Variants in ANKRD17 observed in about 807,000 individuals in gnomAD.
ANKRD17 encodes ankyrin repeat domain-containing protein 17.
Under a neutral mutation model 229.7 loss-of-function variants are expected in ANKRD17, and 19 were observed. The ratio of observed to expected loss-of-function variants is 0.08; its 90% confidence interval spans 0.06 to 0.12. The LOEUF is 0.12. ANKRD17 is among the 10% of genes least tolerant of loss of function. The pLI, the probability that ANKRD17 is intolerant of heterozygous loss-of-function variation, is 1.00. For synonymous variants in ANKRD17, 1,112 were observed against 1,146.1 expected (o/e 0.97, Z 0.60); for missense variants, 2,176 against 3,176.8 (o/e 0.68, Z 7.57).
intron 27 of ANKRD17, among the ~76,000 whole-genome samples, chr4:73,096,088 C>T (rs994220795): frequency 3.3e-5 from 5 of 152,080 alleles, no homozygotes; most frequent in Non-Finnish European, 1.5e-5. Context: ...AATAAACAAG[C>T]AAATTATTTA....
At chr4:73,158,286 A>G (rs1732042158) in intron 3 of ANKRD17, among the ~76,000 whole-genome samples, 1 of 152,206 alleles carries the variant, frequency 6.6e-6, no homozygotes. Context: ...TGAAATCCTT[A>G]CAAGATCTGC....
At chr4:73,191,654 A>C (rs1003217322) in intron 1 of ANKRD17, among the ~76,000 whole-genome samples, 11 of 151,936 alleles carry the variant, frequency 7.2e-5, no homozygotes, top group Admixed American at 7.2e-4. Context: ...ATTATAAAGA[A>C]ATTTTTAAAT....
In ANKRD17 at chr4:73,099,853, A is replaced by C. The variant is rs147894708; in HGVS notation, c.4574-1333T>G. Among the ~76,000 whole-genome samples, 108 of 152,210 alleles carry C rather than the reference A, an allele frequency of 7.1e-4. 1 individual carries two copies. The East Asian group carries it at 0.016, about 23-fold the overall frequency. On this transcript the variant is annotated intron_variant, in intron 25 of 33. Coordinates refer to ENST00000358602, the MANE Select transcript of ANKRD17 (RefSeq NM_032217.5). ...CCCGTTGCCCTCCACCTGGGATCTG[A>C]GTACACATTGCGGTGATGGAGATGC...
chr4:73,102,328 T>C, intron 25 of ANKRD17, 48 bp downstream of exon 25: 2 of 1,533,012 alleles, frequency 1.3e-6, no homozygotes, highest in Non-Finnish European at 1.8e-6. Context: ...GTAAATATAA[T>C]TTTAACTAGA....
At chr4:73,106,511 T>C (rs1724641205) in intron 24 of ANKRD17, among the ~76,000 whole-genome samples, 1 of 152,052 alleles carries the variant, frequency 6.6e-6, no homozygotes, top group African/African-American at 2.4e-5. Context: ...CCTGAATGTT[T>C]AGAATTTCCC....
rs1292737755 is a variant in ANKRD17, at chr4:73,249,865, A to T, written c.393+8411T>A. Among the ~76,000 whole-genome samples, 24 of 152,218 alleles carry T rather than the reference A, an allele frequency of 1.6e-4. 2 individuals are homozygous for T. Among genetic ancestry groups the T allele is most frequent in the Non-Finnish European group, 3.5e-4 (24 of 68,032 alleles). ...AGCGAGACTTCGTCTCAAAAAAAATAAAATAAAATAAAAATAAATTAAAAA... is the reference window on the plus strand; with the variant it reads ...AGCGAGACTTCGTCTCAAAAAAAATTAAATAAAATAAAAATAAATTAAAAA... On this transcript the variant is annotated intron_variant, in intron 1 of 33. Coordinates refer to ENST00000358602, the MANE Select transcript of ANKRD17 (RefSeq NM_032217.5).
intron 1 of ANKRD17, among the ~76,000 whole-genome samples, chr4:73,195,263 T>C (rs1737696273): frequency 6.6e-6 from 1 of 152,204 alleles, no homozygotes; most frequent in South Asian, 2.1e-4. Context: ...GTTGGACTGT[T>C]TGCTAATATT....
intron 1 of ANKRD17, among the ~76,000 whole-genome samples, chr4:73,254,240 C>CT (rs1021500436): frequency 2.0e-5 from 3 of 152,202 alleles, no homozygotes; most frequent in African/African-American, 4.8e-5. Context: ...TTTCAACTCT[C>CT]TTTTTCTGTC....
At chr4:73,203,758 C>CAAAAAAAAAAA (rs67020753) in intron 1 of ANKRD17, among the ~76,000 whole-genome samples, 2 of 82,140 alleles carry the variant, frequency 2.4e-5, no homozygotes, top group South Asian at 4.6e-4. Flanking sequence ...GACTCCGTCT[C>CAAAAAAAAAAA]AAAAAAAAAA....
At chr4:73,121,829 T>G in intron 18 of ANKRD17, 70 bp from the exon 19 acceptor site, 1 of 1,457,788 alleles carries the variant, frequency 6.9e-7, no homozygotes, top group African/African-American at 1.4e-5. Flanking sequence ...TATTTTTAAA[T>G]TTCTTTTTCT....
intron 33 of ANKRD17, 123 bp from the exon 34 acceptor site, chr4:73,076,413 A>T (rs961708602): frequency 1.7e-6 from 1 of 605,554 alleles, no homozygotes; most frequent in Non-Finnish European, 2.5e-6. Flanking sequence ...TAATGGAAAA[A>T]AATGATAAAA....
chr4:73,246,115 A>C (rs909998544), intron 1 of ANKRD17, among the ~76,000 whole-genome samples: 3 of 152,250 alleles, frequency 2.0e-5, no homozygotes, highest in Non-Finnish European at 4.4e-5. Flanking sequence ...AACTAAGCAA[A>C]GGAAACAGAC....
At chr4:73,151,314 C>T in intron 7 of ANKRD17, 116 bp downstream of exon 7, 1 of 860,300 alleles carries the variant, frequency 1.2e-6, no homozygotes, top group Non-Finnish European at 1.8e-6. Context: ...ACAACTGATT[C>T]AATAAGGTTC....
At chr4:73,113,667 A>G in intron 24 of ANKRD17, 125 bp downstream of exon 24, 1 of 812,318 alleles carries the variant, frequency 1.2e-6, no homozygotes, top group South Asian at 1.6e-5. Flanking sequence ...AGCCAAATGT[A>G]GAAAGAAATC....
chr4:73,140,338 G>T, intron 14 of ANKRD17, 55 bp from the exon 15 acceptor site: 1 of 1,515,862 alleles, frequency 6.6e-7, no homozygotes. Context: ...CCTCATTACA[G>T]AGTTACTGTT....
intron 16 of ANKRD17, among the ~76,000 whole-genome samples, chr4:73,131,264 T>C (rs1342819328): frequency 6.6e-6 from 1 of 152,186 alleles, no homozygotes; most frequent in African/African-American, 2.4e-5. Flanking sequence ...TTGAAGCCCC[T>C]TATGAAGAAT....
intron 3 of ANKRD17, among the ~76,000 whole-genome samples, chr4:73,160,840 CTTCT>C (rs565062257): frequency 5.9e-5 from 9 of 152,272 alleles, no homozygotes; most frequent in Non-Finnish European, 1.2e-4. Context: ...AAAACATTTA[CTTCT>C]TTGTCACCAA....
intron 1 of ANKRD17, among the ~76,000 whole-genome samples, chr4:73,208,763 C>T (rs1560726676): frequency 6.6e-6 from 1 of 152,086 alleles, no homozygotes; most frequent in African/African-American, 2.4e-5. Context: ...ACAGCTAATG[C>T]AGTGCATAGA....
At chr4:73,207,163 A>G (rs960454289) in intron 1 of ANKRD17, among the ~76,000 whole-genome samples, 6 of 152,180 alleles carry the variant, frequency 3.9e-5, no homozygotes, top group Non-Finnish European at 5.9e-5. Flanking sequence ...ACAAATAAAC[A>G]TAAGTATATG....
Sources: allele counts gnomAD v4.1 joint callset (sites outside exome capture counted in the v4.1 genomes callset), GRCh38; gene constraint gnomAD v4.1.1; transcripts MANE v1.5; gene names NCBI Gene and HGNC (gene_info 2026-07-23, HGNC 2026-07-21).